The following CDH6 variants were observed in gnomAD, a reference collection of about 807,000 sequenced individuals.
CDH6 encodes the protein cadherin 6.
CDH6 carries 31 observed loss-of-function variants against 78.0 expected under a neutral mutation model. That is an observed-to-expected ratio of 0.40 (90% confidence interval 0.30 to 0.54). CDH6 has a LOEUF of 0.54. CDH6 is among the 20% of genes least tolerant of loss of function. The pLI is 0.56. For synonymous variants in CDH6, 376 were observed against 368.8 expected (o/e 1.02, Z -0.23); for missense variants, 724 against 975.9 (o/e 0.74, Z 3.44).
intron 2 of CDH6, among the ~76,000 whole-genome samples, chr5:31,274,101 A>G (rs1579872393): frequency 6.6e-6 from 1 of 152,374 alleles, no homozygotes; most frequent in East Asian, 1.9e-4. Context: ...AGCACATTTA[A>G]GAAAAAGTGC....
At chr5:31,293,334 A>G (rs1390021581) in intron 2 of CDH6, among the ~76,000 whole-genome samples, 1 of 152,018 alleles carries the variant, frequency 6.6e-6, no homozygotes, top group African/African-American at 2.4e-5. Context: ...GGCAGCACTT[A>G]GGATATTTCT....
intron 2 of CDH6, among the ~76,000 whole-genome samples, chr5:31,287,736 C>T (rs1025352927): frequency 2.0e-5 from 3 of 152,186 alleles, no homozygotes; most frequent in African/African-American, 4.8e-5. Flanking sequence ...TTTCTTAAAA[C>T]ACAGCACTGG....
At chr5:31,305,453 CTT>C (rs1289424696) in intron 7 of CDH6, 26 bp downstream of exon 7, 1 of 1,591,484 alleles carries the variant, frequency 6.3e-7, no homozygotes, top group East Asian at 2.2e-5. Context: ...CGACATGTCT[CTT>C]TCATAAGCTT....
intron 2 of CDH6, among the ~76,000 whole-genome samples, chr5:31,276,899 C>A (rs1561054341): frequency 6.6e-6 from 1 of 152,150 alleles, no homozygotes; most frequent in Non-Finnish European, 1.5e-5. Flanking sequence ...ATCACACTTA[C>A]CAGTAAGGAA....
At chr5:31,194,815 C>A (rs980411925) in intron 1 of CDH6, among the ~76,000 whole-genome samples, 2 of 152,164 alleles carry the variant, frequency 1.3e-5, no homozygotes, top group Non-Finnish European at 2.9e-5. Flanking sequence ...TTGTGGACTG[C>A]AGCAGTTGCA....
chr5:31,323,264 C>A lies in CDH6; in HGVS notation c.2329C>A (p.Leu777Ile). ...LSDWGPRFKK[L>I]ADMYGGVDSD... ...TGACTGGGGACCTCGATTCAAAAAGCTTGCAGATATGTATGGAGGAGTGGA... is the reference window on the plus strand; with the variant it reads ...TGACTGGGGACCTCGATTCAAAAAGATTGCAGATATGTATGGAGGAGTGGA... Residue 777 changes from leucine to isoleucine, a missense_variant, in exon 12 of 12, where the codon CTT (leucine) becomes ATT (isoleucine). By Grantham distance (5) the Leu-to-Ile change is conservative. Transcript: ENST00000265071. 6.2e-7 allele frequency: 1 copy of A among 1,614,112 alleles called. No individual in the cohort carries two copies. The highest frequency in any genetic ancestry group is 8.5e-7 in the Non-Finnish European group (1 of 1,179,958).
intron 1 of CDH6, among the ~76,000 whole-genome samples, chr5:31,216,390 A>G (rs1011440888): frequency 6.6e-6 from 1 of 152,148 alleles, no homozygotes; most frequent in African/African-American, 2.4e-5. Flanking sequence ...TTAAATAGTT[A>G]AAAAGAATCA....
At chr5:31,315,682 T>G (rs762379258) in intron 8 of CDH6, among the ~76,000 whole-genome samples, 3 of 152,232 alleles carry the variant, frequency 2.0e-5, no homozygotes, top group Non-Finnish European at 2.9e-5. Flanking sequence ...TCTCCATGTC[T>G]CAGTTTCCTC....
At chr5:31,259,190 C>T (rs1011040574) in intron 1 of CDH6, among the ~76,000 whole-genome samples, 1 of 152,168 alleles carries the variant, frequency 6.6e-6, no homozygotes, top group Non-Finnish European at 1.5e-5. Context: ...AAAAGACGTA[C>T]ATATATCATC....
chr5:31,206,121 T>C (rs1482956698), intron 1 of CDH6, among the ~76,000 whole-genome samples: 1 of 149,568 alleles, frequency 6.7e-6, no homozygotes, highest in African/African-American at 2.4e-5. Context: ...ACTGAGATCA[T>C]AGAATAGATA....
rs1737531566 is a variant in CDH6, at chr5:31,294,635, A to G, written c.523+379A>G. 6.6e-6 allele frequency among the ~76,000 whole-genome samples: 1 copy of G among 152,178 alleles called. No individual in the cohort carries two copies. Among genetic ancestry groups the G allele is most frequent in the African/African-American group, 2.4e-5 (1 of 41,436 alleles). Reference sequence around the variant, plus strand: ...TAACAATCTCCCAAATAGAAAATAAAAGCTTACATTTACAATCCAGTCTAA... The same window carrying G: ...TAACAATCTCCCAAATAGAAAATAAGAGCTTACATTTACAATCCAGTCTAA... On this transcript the variant is annotated intron_variant, in intron 3 of 11. Transcript: ENST00000265071. This position sits in a 1 kb window ranked among gnomAD's most constrained non-coding sequence, Gnocchi z 4.1.
chr5:31,263,279 A>C (rs1242659824), intron 1 of CDH6, among the ~76,000 whole-genome samples: 3 of 130,846 alleles, frequency 2.3e-5, no homozygotes, highest in Admixed American at 1.6e-4. Context: ...TTTTTTTTCC[A>C]GACAGTTTTG....
intron 1 of CDH6, among the ~76,000 whole-genome samples, chr5:31,211,639 G>A (rs1275643301): frequency 6.6e-6 from 1 of 150,466 alleles, no homozygotes; most frequent in Non-Finnish European, 1.5e-5. Flanking sequence ...GTAATTTTAG[G>A]CAAAAAAATG....
intron 1 of CDH6, among the ~76,000 whole-genome samples, chr5:31,265,817 C>T (rs1370727654): frequency 6.8e-6 from 1 of 146,102 alleles, no homozygotes; most frequent in Admixed American, 6.8e-5. Flanking sequence ...CTCTGTCGCC[C>T]AGGCTGGAGT....
At chr5:31,239,519 G>A (rs1444823884) in intron 1 of CDH6, among the ~76,000 whole-genome samples, 1 of 152,148 alleles carries the variant, frequency 6.6e-6, no homozygotes, top group Non-Finnish European at 1.5e-5. Flanking sequence ...ACACTGATAT[G>A]AAATGTGAAA....
chr5:31,286,597 A>G lies in CDH6; in HGVS notation c.229-7365A>G, dbSNP rs79186507. Among the ~76,000 whole-genome samples, 576 of 152,308 alleles carry G rather than the reference A, an allele frequency of 3.8e-3. 4 individuals are homozygous for G. Among genetic ancestry groups the G allele is most frequent in the African/African-American group, 0.013 (550 of 41,578 alleles). On this transcript the variant is annotated intron_variant, in intron 2 of 11. Transcript: ENST00000265071. ...TGATGAAGCCAAAGAGAGGAGGAGC[A>G]GAGGCCGTGCCGGGCTTTGGAGGCC...
Position 31,294,220 on chromosome 5 carries a change from G to A in CDH6, c.487G>A (p.Val163Ile). The change falls in exon 3 of 12, where the codon GTT (valine) becomes ATT (isoleucine). Residue 163 changes from valine (V) to isoleucine (I), a missense_variant. By Grantham distance (29) the Val-to-Ile change is conservative (BLOSUM62 3). Coordinates refer to ENST00000265071, the MANE Select transcript of CDH6 (RefSeq NM_004932.4). The surrounding 1 kb of genome is among the most constrained non-coding windows in gnomAD (Gnocchi z 4.1). ...NDNEPIFTKE[V>I]YTATVPEMSD... ...CAATGAACCAATATTCACCAAGGAG[G>A]TTTACACAGCCACTGTCCCTGAAAT... 6.2e-7 allele frequency: 1 copy of A among 1,613,812 alleles called. No individual in the cohort carries two copies. The highest frequency in any genetic ancestry group is 8.5e-7 in the Non-Finnish European group (1 of 1,179,866).
At chr5:31,307,874 G>A (rs1738031449) in intron 7 of CDH6, among the ~76,000 whole-genome samples, 1 of 151,964 alleles carries the variant, frequency 6.6e-6, no homozygotes, top group Non-Finnish European at 1.5e-5. Flanking sequence ...ATTATTTTCT[G>A]TTTTATGAAA....
intron 1 of CDH6, among the ~76,000 whole-genome samples, chr5:31,233,519 A>AAAAAAAC (rs1741372797): frequency 7.3e-5 from 2 of 27,450 alleles, no homozygotes; most frequent in Non-Finnish European, 1.7e-4. Flanking sequence ...TGTCTCAAAA[A>AAAAAAAC]AAAAAAACAA....
Sources: gnomAD v4.1 joint callset for allele counts (sites outside exome capture counted in the v4.1 genomes callset) on GRCh38, gnomAD v4.1.1 for gene constraint, Gnocchi (gnomAD v3.1) non-coding constraint, MANE v1.5 for transcripts, NCBI Gene and HGNC (gene_info 2026-07-23, HGNC 2026-07-21) for gene names.